ACSF2: variants seen among roughly 807,000 people sequenced by gnomAD.
ACSF2 encodes the protein medium-chain acyl-CoA ligase ACSF2, mitochondrial.
Under a neutral mutation model 79.3 loss-of-function variants are expected in ACSF2, and 52 were observed. That is an observed-to-expected ratio of 0.66 (90% CI 0.53 to 0.83). ACSF2 has a LOEUF of 0.83. Among genes scored for constraint, ACSF2 ranks in the 40% least tolerant of loss-of-function variants. The pLI, the probability that ACSF2 is intolerant of heterozygous loss-of-function variation, is 0.00. For synonymous variants in ACSF2, 283 were observed against 312.6 expected, an observed-to-expected ratio of 0.91 and a Z score of 1.00; for missense variants, 661 against 803.3, an observed-to-expected ratio of 0.82 and a Z score of 2.14.
chr17:50,443,589 T>G (rs1173239858), intron 1 of ACSF2, among the ~76,000 whole-genome samples: 1 of 152,198 alleles, frequency 6.6e-6, no homozygotes, highest in Non-Finnish European at 1.5e-5. Flanking sequence ...GCTTCTTGAT[T>G]TGCAGCCAGC....
chr17:50,452,050 C>G (rs1424510710), intron 1 of ACSF2, among the ~76,000 whole-genome samples: 1 of 152,190 alleles, frequency 6.6e-6, no homozygotes, highest in African/African-American at 2.4e-5. Context: ...CCTGACTTCT[C>G]TACTCAGATC....
chr17:50,461,775 C>A, intron 4 of ACSF2, 89 bp downstream of exon 4: 1 of 1,511,046 alleles, frequency 6.6e-7, no homozygotes, highest in Non-Finnish European at 9.2e-7. Context: ...ACGGTGTGAG[C>A]TAGGGCATGC....
intron 1 of ACSF2, among the ~76,000 whole-genome samples, chr17:50,437,569 T>C (rs1277100595): frequency 1.3e-5 from 2 of 151,754 alleles, no homozygotes; most frequent in East Asian, 1.9e-4. Context: ...GACAGGAGGA[T>C]CACTTGAGCC....
intron 1 of ACSF2, among the ~76,000 whole-genome samples, chr17:50,439,610 C>T (rs1032301237): frequency 6.6e-6 from 1 of 152,138 alleles, no homozygotes; most frequent in African/African-American, 2.4e-5. Context: ...GACTGTGCTA[C>T]TGTGACCACC....
Position 50,463,030 on chromosome 17 carries a change from T to G in ACSF2, c.793-126T>G. 1 of 790,004 alleles carries G rather than the reference T, an allele frequency of 1.3e-6. No individual in the cohort carries two copies. Among genetic ancestry groups the G allele is most frequent in the Non-Finnish European group, 2.1e-6 (1 of 476,372 alleles). 48.9% of individuals were successfully genotyped at this position (790,004 alleles called of 1,614,324 possible). A position where few individuals can be genotyped will look rare whatever the true frequency, so the allele number is the denominator to read the frequency against. On this transcript the variant is annotated intron_variant, in intron 6 of 15. Transcript: ENST00000300441. The surrounding 1 kb of genome is among the most constrained non-coding windows in gnomAD (Gnocchi z 4.6). ...CGTGGTAGACCTTTTGCAAATATACTGAACAGATGGATCTGGGGCAACAAT... is the reference window on the plus strand; with the variant it reads ...CGTGGTAGACCTTTTGCAAATATACGGAACAGATGGATCTGGGGCAACAAT...
intron 1 of ACSF2, among the ~76,000 whole-genome samples, chr17:50,446,790 C>T (rs1817558568): frequency 6.6e-6 from 1 of 152,182 alleles, no homozygotes; most frequent in Admixed American, 6.5e-5. Flanking sequence ...TTTCATTGAA[C>T]ATTGTTTTAT....
rs143156302 is a variant in ACSF2, at chr17:50,451,514, A to C, written c.129-9163A>C. Among the ~76,000 whole-genome samples the C allele has an allele frequency of 5.4e-3, 830 of 152,316 alleles. 10 individuals carry two copies. Among genetic ancestry groups the C allele is most frequent in the African/African-American group, 0.019 (797 of 41,556 alleles). ...ACCCAGGCTGGAGTGCAATGGCACA[A>C]TGTTGGCTCATTGCAAACTCCACCT... On this transcript the variant is annotated intron_variant, in intron 1 of 15. Coordinates refer to ENST00000300441, the MANE Select transcript of ACSF2 (RefSeq NM_025149.6).
chr17:50,469,620 A>G (rs949964480), intron 10 of ACSF2, among the ~76,000 whole-genome samples: 1 of 152,312 alleles, frequency 6.6e-6, no homozygotes, highest in East Asian at 1.9e-4. Flanking sequence ...AATGGCAAAC[A>G]CACCTGGAAA....
intron 1 of ACSF2, among the ~76,000 whole-genome samples, chr17:50,445,177 A>C (rs1028645326): frequency 6.6e-6 from 1 of 152,134 alleles, no homozygotes; most frequent in South Asian, 2.1e-4. Context: ...ACCCTCCCAA[A>C]GTGTTGGGAT....
intron 1 of ACSF2, among the ~76,000 whole-genome samples, chr17:50,456,454 C>G (rs558814433): frequency 2.0e-5 from 3 of 152,130 alleles, no homozygotes; most frequent in Non-Finnish European, 2.9e-5. Flanking sequence ...ACCTGGTGGC[C>G]GGGCGCGGTG....
chr17:50,445,565 CA>C (rs1421662466), intron 1 of ACSF2, among the ~76,000 whole-genome samples: 1 of 152,112 alleles, frequency 6.6e-6, no homozygotes, highest in Non-Finnish European at 1.5e-5. Context: ...GAGGCCAAGG[CA>C]GGAAGAATGC....
At chr17:50,455,935 G>C (rs2143665908) in intron 1 of ACSF2, among the ~76,000 whole-genome samples, 1 of 152,310 alleles carries the variant, frequency 6.6e-6, no homozygotes, top group South Asian at 2.1e-4. Context: ...TGTCGTGACA[G>C]ACCCTCCAGT....
At chr17:50,438,541 T>TG (rs1273760954) in intron 1 of ACSF2, among the ~76,000 whole-genome samples, 1 of 152,126 alleles carries the variant, frequency 6.6e-6, no homozygotes, top group Non-Finnish European at 1.5e-5. Context: ...CAGAACTTTG[T>TG]GGAATTTTTT....
In ACSF2 at chr17:50,473,669, G is replaced by A. The variant is rs777696158; in HGVS notation, c.1480G>A (p.Val494Ile). 3 of 1,614,078 alleles carry A rather than the reference G, an allele frequency of 1.9e-6. No homozygotes were observed. The Admixed American group carries it at 5.0e-5, about 27-fold the overall frequency. Residue 494 changes from valine to isoleucine, a missense_variant, in exon 13 of 16, where the codon GTC becomes ATC. Val to Ile is a conservative substitution (Grantham distance 29, BLOSUM62 3). Transcript: ENST00000300441. Reference protein sequence around the residue: ...DQDKWYWTGDVATMNEQGFCK... With the variant: ...DQDKWYWTGDIATMNEQGFCK... Reference sequence around the variant, plus strand: ...GCCCCTGGGCTTTCCTTACAGAGATGTCGCCACAATGAATGAGCAGGGCTT... The same window carrying A: ...GCCCCTGGGCTTTCCTTACAGAGATATCGCCACAATGAATGAGCAGGGCTT...
intron 1 of ACSF2, among the ~76,000 whole-genome samples, chr17:50,442,527 A>G (rs532407981): frequency 5.3e-5 from 8 of 152,126 alleles, no homozygotes; most frequent in African/African-American, 1.9e-4. Flanking sequence ...ATGCAGTGAC[A>G]CATTCATGGC....
intron 1 of ACSF2, among the ~76,000 whole-genome samples, chr17:50,443,024 C>T (rs562271867): frequency 2.0e-5 from 3 of 151,984 alleles, no homozygotes; most frequent in Non-Finnish European, 4.4e-5. Flanking sequence ...ATTCTCGTGC[C>T]TCAGCCTCCC....
chr17:50,442,454 C>T (rs1281267668), intron 1 of ACSF2, among the ~76,000 whole-genome samples: 10 of 151,456 alleles, frequency 6.6e-5, no homozygotes, highest in Admixed American at 4.0e-4. Flanking sequence ...TGAGCCACTA[C>T]GCCTGGCCTT....
At chr17:50,442,918 T>C (rs2031037538) in intron 1 of ACSF2, among the ~76,000 whole-genome samples, 1 of 151,944 alleles carries the variant, frequency 6.6e-6, no homozygotes, top group South Asian at 2.1e-4. Flanking sequence ...TTATTTCTTT[T>C]TTTTTTTTCT....
chr17:50,472,530 C>G lies in ACSF2; in HGVS notation c.1426C>G (p.Pro476Ala), dbSNP rs769729249. ...YCVMLGYWGE[P>A]QKTEEAVDQD... is the part of the protein sequence containing the mutation. ...CGTCATGCTGGGCTACTGGGGTGAG[C>G]CTCAGAAGACAGAGGAAGCAGTGGA... is the stretch of plus-strand genomic sequence containing the variant. The change falls in exon 12 of 16, where the codon CCT becomes GCT. Residue 476 changes from proline (P) to alanine (A), a missense_variant. Transcript: ENST00000300441. 1 of 1,611,966 alleles carries G rather than the reference C, an allele frequency of 6.2e-7. No individual in the cohort carries two copies. The highest frequency in any genetic ancestry group is 8.5e-7 in the Non-Finnish European group (1 of 1,179,138).
Sources: gnomAD v4.1 joint callset for allele counts (sites outside exome capture counted in the v4.1 genomes callset) on GRCh38, gnomAD v4.1.1 for gene constraint, Gnocchi (gnomAD v3.1) non-coding constraint, MANE v1.5 for transcripts, NCBI Gene and HGNC (gene_info 2026-07-23, HGNC 2026-07-21) for gene names.